The following FILIP1L variants were observed in gnomAD, a reference collection of about 807,000 sequenced individuals.
FILIP1L encodes filamin A interacting protein 1 like.
Under a neutral mutation model 96.6 loss-of-function variants are expected in FILIP1L, and 55 were observed. The ratio of observed to expected loss-of-function variants is 0.57; its 90% CI spans 0.46 to 0.71. FILIP1L has a LOEUF of 0.71. Among genes scored for constraint, FILIP1L ranks in the 30% least tolerant of loss-of-function variants. The pLI, the probability that FILIP1L is intolerant of heterozygous loss-of-function variation, is 0.00. For synonymous variants in FILIP1L, 467 were observed against 473.9 expected, an observed-to-expected ratio of 0.99 and a Z score of 0.19; for missense variants, 1,304 against 1,321.2, an observed-to-expected ratio of 0.99 and a Z score of 0.20.
chr3:99,971,992 A>T (rs184607449), intron 1 of FILIP1L, among the ~76,000 whole-genome samples: 1 of 152,244 alleles, frequency 6.6e-6, no homozygotes, highest in East Asian at 1.9e-4. Context: ...GCACACTGAC[A>T]TGGAGTATAG....
intron 1 of FILIP1L, among the ~76,000 whole-genome samples, chr3:100,024,282 G>A (rs1365777933): frequency 2.0e-5 from 3 of 152,218 alleles, no homozygotes; most frequent in South Asian, 2.1e-4. Context: ...TAGGTTTGCC[G>A]ATTACAATTT....
intron 4 of FILIP1L, among the ~76,000 whole-genome samples, chr3:99,912,436 G>A (rs1706820221): frequency 6.6e-6 from 1 of 152,178 alleles, no homozygotes; most frequent in Admixed American, 6.5e-5. Context: ...GAGTATAATG[G>A]CGTGATCTCG....
intron 4 of FILIP1L, among the ~76,000 whole-genome samples, chr3:99,895,194 T>C (rs574144759): frequency 6.6e-6 from 1 of 152,264 alleles, no homozygotes; most frequent in African/African-American, 2.4e-5. Flanking sequence ...ATGGTTAAAC[T>C]TAACTATATT....
At chr3:99,870,129 T>C (rs190961753) in intron 4 of FILIP1L, among the ~76,000 whole-genome samples, 5 of 152,354 alleles carry the variant, frequency 3.3e-5, no homozygotes, top group Admixed American at 2.6e-4. Flanking sequence ...TGCTCATTAT[T>C]CAATCTTTAT....
At chr3:99,922,635 A>T (rs17313599) in intron 4 of FILIP1L, among the ~76,000 whole-genome samples, 2 of 152,172 alleles carry the variant, frequency 1.3e-5, no homozygotes, top group Non-Finnish European at 2.9e-5. Context: ...TAGTTGAATA[A>T]GCCATTTGAG....
chr3:99,896,676 A>G (rs1446687120), intron 4 of FILIP1L, among the ~76,000 whole-genome samples: 2 of 152,244 alleles, frequency 1.3e-5, no homozygotes, highest in African/African-American at 4.8e-5. Context: ...CATTTAAATT[A>G]TAATTCTACA....
chr3:100,059,482 G>GT (rs2107339897), intron 1 of FILIP1L, among the ~76,000 whole-genome samples: 1 of 152,200 alleles, frequency 6.6e-6, no homozygotes, highest in Non-Finnish European at 1.5e-5. Context: ...TTTAGCACCT[G>GT]TTATTAAATA....
intron 1 of FILIP1L, among the ~76,000 whole-genome samples, chr3:100,073,764 A>C (rs1287215046): frequency 1.3e-5 from 2 of 152,192 alleles, no homozygotes; most frequent in East Asian, 3.8e-4. Context: ...GTGCCGGGCA[A>C]GATCTCCTGT....
Position 99,872,269 on chromosome 3 carries a change from CTGTGTGTGTGTGTGTG to C in FILIP1L, c.606-21215_606-21200del, listed in dbSNP as rs55727823. On this transcript the variant is annotated intron_variant, in intron 4 of 5. Transcript: ENST00000477258. ...ATTCTGTGGATATTCTGTGCCAGGA[CTGTGTGTGTGTGTGTG>C]TGTGTGTGTGTGTGTGTGTGTGTGT... Among the ~76,000 whole-genome samples, 122 of 110,822 alleles carry C rather than the reference CTGTGTGTGTGTGTGTG, an allele frequency of 1.1e-3. 1 individual carries two copies. Among genetic ancestry groups the C allele is most frequent in the African/African-American group, 1.4e-3 (42 of 29,286 alleles). The allele number at this position is 110,822 out of a possible 152,430, so 72.7% of individuals were successfully genotyped here.
chr3:99,848,224 T>C (rs2107520544), intron 5 of FILIP1L, 71 bp downstream of exon 5: 1 of 1,580,718 alleles, frequency 6.3e-7, no homozygotes, highest in Admixed American at 1.7e-5. Context: ...TAAAAAAGGA[T>C]TGAGTTCCTT....
chr3:99,839,684 G>C (rs1943045698), intron 5 of FILIP1L, among the ~76,000 whole-genome samples: 1 of 152,170 alleles, frequency 6.6e-6, no homozygotes, highest in South Asian at 2.1e-4. Context: ...CTTTGAAAGA[G>C]ACAGAAGTAT....
intron 4 of FILIP1L, among the ~76,000 whole-genome samples, chr3:99,856,573 C>T (rs779165885): frequency 6.6e-6 from 1 of 152,350 alleles, no homozygotes; most frequent in East Asian, 1.9e-4. Flanking sequence ...TATCTTATTA[C>T]AGCTTTCCGT....
At chr3:99,837,769 T>A (rs1447801312) in intron 5 of FILIP1L, among the ~76,000 whole-genome samples, 3 of 152,220 alleles carry the variant, frequency 2.0e-5, no homozygotes, top group African/African-American at 7.2e-5. Context: ...CCTTGAGAAA[T>A]AGAAATCCAG....
At position 99,849,759 on chromosome 3, in the gene FILIP1L, T is replaced by C. The variant is rs745924720; in HGVS notation, c.1917A>G (p.Leu639=). Residue 639 remains leucine (L), a synonymous_variant, in exon 5 of 6, where the codon CTA becomes CTG. Transcript: ENST00000477258. ...SQEVERLKLK[L]KDMKAIEDDL... is the part of the protein sequence containing the mutation. ...CATCCTCAATGGCTTTCATGTCCTT[T>C]AGCTTCAGTTTCAGTCTTTCCACTT... The C allele has an allele frequency of 3.1e-6, 5 of 1,613,716 alleles. No homozygotes were observed. The African/African-American group carries it at 6.7e-5, about 22-fold the overall frequency.
chr3:99,936,794 A>G (rs1402149882), intron 1 of FILIP1L, among the ~76,000 whole-genome samples: 1 of 151,944 alleles, frequency 6.6e-6, no homozygotes, highest in East Asian at 2.0e-4. Context: ...TGCTGTATCT[A>G]CTTAGCTTTT....
At chr3:99,941,782 GA>G (rs1707856740) in intron 1 of FILIP1L, among the ~76,000 whole-genome samples, 1 of 152,088 alleles carries the variant, frequency 6.6e-6, no homozygotes, top group African/African-American at 2.4e-5. Context: ...AAAAAATTTG[GA>G]AAAAATATAT....
chr3:99,985,727 T>C (rs1458834311), intron 1 of FILIP1L, among the ~76,000 whole-genome samples: 1 of 152,034 alleles, frequency 6.6e-6, no homozygotes, highest in Non-Finnish European at 1.5e-5. Flanking sequence ...TAAATGGGAT[T>C]ACAGGCACCT....
intron 1 of FILIP1L, among the ~76,000 whole-genome samples, chr3:100,096,673 G>C (rs2066215026): frequency 6.6e-6 from 1 of 151,328 alleles, no homozygotes; most frequent in South Asian, 2.1e-4. Flanking sequence ...AAAAAAAAAA[G>C]AAAGAATGAA....
chr3:99,851,099 G>C, intron 4 of FILIP1L, 29 bp from the exon 5 acceptor site: 1 of 1,523,742 alleles, frequency 6.6e-7, no homozygotes, highest in Non-Finnish European at 8.8e-7. Flanking sequence ...ATTTTATTTT[G>C]TGATTGATGC....
Sources: allele counts gnomAD v4.1 joint callset (sites outside exome capture counted in the v4.1 genomes callset), GRCh38; gene constraint gnomAD v4.1.1; transcripts MANE v1.5; gene names NCBI Gene and HGNC (gene_info 2026-07-23, HGNC 2026-07-21).